ZNF831: variants seen among roughly 807,000 people sequenced by gnomAD.
ZNF831 encodes the protein chromosome 20 open reading frame 174.
In ZNF831, 59 loss-of-function variants were observed where a neutral mutation model predicts 95.8. The ratio of observed to expected loss-of-function variants is 0.62; its 90% CI spans 0.50 to 0.77. The LOEUF (loss-of-function observed/expected upper bound fraction) is 0.77, where lower values mean the gene tolerates loss of function less well. Ranked by LOEUF, ZNF831 falls within the 30% of genes least tolerant of loss-of-function variation. ZNF831 has a pLI of 0.00. For synonymous variants in ZNF831, 961 were observed against 925.5 expected, an observed-to-expected ratio of 1.04 and a Z score of -0.70; for missense variants, 2,205 against 2,164.0, an observed-to-expected ratio of 1.02 and a Z score of -0.38.
At chr20:59,129,353 G>A (rs1288500403) in intron 1 of ZNF831, among the ~76,000 whole-genome samples, 1 of 152,158 alleles carries the variant, frequency 6.6e-6, no homozygotes, top group African/African-American at 2.4e-5. Context: ...TGGGCCTGGT[G>A]TGGTGGCTCA....
chr20:59,209,108 G>A lies in ZNF831; in HGVS notation c.4027+2052G>A, dbSNP rs146514939. Among the ~76,000 whole-genome samples, 118 of 152,300 alleles carry A rather than the reference G, an allele frequency of 7.7e-4. 3 individuals are homozygous for A. In the East Asian group the frequency reaches 0.021, roughly 27 times the overall value. ...CCTTAGCTCAGATGCCACCGGGAAC[G>A]ACATTGGCAGATCTGTTTGCTTCCC... is the stretch of plus-strand genomic sequence containing the variant. On this transcript the variant is annotated intron_variant, in intron 4 of 5. Transcript: ENST00000371030.
chr20:59,172,147 C>A (rs1044797751), intron 1 of ZNF831, among the ~76,000 whole-genome samples: 1 of 152,154 alleles, frequency 6.6e-6, no homozygotes, highest in Non-Finnish European at 1.5e-5. Context: ...TACTTGCCAC[C>A]ACACTTAGGA....
chr20:59,187,751 A>C (rs1438884436), intron 1 of ZNF831, among the ~76,000 whole-genome samples: 4 of 152,260 alleles, frequency 2.6e-5, no homozygotes, highest in Non-Finnish European at 4.4e-5. Context: ...CTGGTTCCAG[A>C]ACATTTTCAT....
chr20:59,229,802 CA>C (rs1331896308), intron 4 of ZNF831, among the ~76,000 whole-genome samples: 3 of 152,006 alleles, frequency 2.0e-5, no homozygotes, highest in Admixed American at 1.3e-4. Flanking sequence ...GTGTTTCAGG[CA>C]GGGGGGAAGG....
chr20:59,176,737 G>A (rs919425800), intron 1 of ZNF831, among the ~76,000 whole-genome samples: 4 of 152,154 alleles, frequency 2.6e-5, no homozygotes, highest in East Asian at 1.9e-4. Context: ...TCTGAATCAC[G>A]TCAGTATTTG....
rs778565250 is a variant in ZNF831 at position 59,194,379 on chromosome 20, G to A, written c.3360G>A (p.Val1120=). The A allele has an allele frequency of 1.2e-6, 2 of 1,611,012 alleles. No homozygotes were observed. Among genetic ancestry groups the A allele is most frequent in the Non-Finnish European group, 1.7e-6 (2 of 1,178,698 alleles). Residue 1120 remains valine, a synonymous_variant, in exon 2 of 6, where the codon GTG becomes GTA. Transcript: ENST00000371030. ...APEDPSSGPL[V]GPDPCSPLQP... is the part of the protein sequence containing the mutation. ...AAGATCCTTCTTCAGGGCCCCTGGT[G>A]GGCCCCGACCCGTGTTCCCCCCTCC... is the stretch of plus-strand genomic sequence containing the variant.
At chr20:59,179,344 C>T (rs558521717) in intron 1 of ZNF831, among the ~76,000 whole-genome samples, 9 of 152,310 alleles carry the variant, frequency 5.9e-5, no homozygotes, top group African/African-American at 1.4e-4. Context: ...CGCACCCATC[C>T]GCTTCTCACT....
chr20:59,223,196 G>A (rs1314759701), intron 4 of ZNF831, among the ~76,000 whole-genome samples: 1 of 152,122 alleles, frequency 6.6e-6, no homozygotes, highest in South Asian at 2.1e-4. Context: ...GGGGGTGAAA[G>A]AAGAAAAAGG....
intron 1 of ZNF831, among the ~76,000 whole-genome samples, chr20:59,184,235 G>C (rs1982838474): frequency 6.6e-6 from 1 of 152,130 alleles, no homozygotes; most frequent in African/African-American, 2.4e-5. Flanking sequence ...TTTTATCGAT[G>C]AATAATATTC....
upstream of ZNF831, among the ~76,000 whole-genome samples, chr20:59,162,005 C>T (rs116017592): frequency 0.016 from 2,424 of 152,234 alleles, 69 homozygotes; most frequent in African/African-American, 0.055. Context: ...TTGCATTTCT[C>T]TGATAATCAG....
At chr20:59,216,810 C>T (rs1985711257) in intron 4 of ZNF831, among the ~76,000 whole-genome samples, 1 of 152,086 alleles carries the variant, frequency 6.6e-6, no homozygotes, top group Non-Finnish European at 1.5e-5. Context: ...CTGAGAACAA[C>T]AGGATTATGC....
intron 1 of ZNF831, among the ~76,000 whole-genome samples, chr20:59,132,907 C>T (rs1979391774): frequency 6.6e-6 from 1 of 152,272 alleles, no homozygotes; most frequent in African/African-American, 2.4e-5. Context: ...GCCCATTACA[C>T]TGCTGACCAC....
exon 2 of ZNF831, chr20:59,146,317 C>T (rs755913132): frequency 6.6e-6 from 1 of 152,230 alleles, no homozygotes; most frequent in Non-Finnish European, 1.5e-5. Flanking sequence ...TCATCGGAGC[C>T]ACCGGTTTTC....
At chr20:59,249,353 C>T (rs1400625870) in intron 4 of ZNF831, among the ~76,000 whole-genome samples, 1 of 152,132 alleles carries the variant, frequency 6.6e-6, no homozygotes, top group Non-Finnish European at 1.5e-5. Flanking sequence ...TTGTTACTGC[C>T]TGTAATACTC....
In ZNF831 at chr20:59,208,598, G is replaced by A. The variant is rs1217915133; in HGVS notation, c.4027+1542G>A. On this transcript the variant is annotated intron_variant, in intron 4 of 5. Transcript: ENST00000371030. This position sits in a 1 kb window ranked among gnomAD's most constrained non-coding sequence, Gnocchi z 4.2. The stretch of plus-strand genomic sequence containing the variant: ...ACCTGGGAATTGTGCACAGAATTGT[G>A]TGTGTGTGGGTGACTTCCAGAGGCA... 6.6e-6 allele frequency among the ~76,000 whole-genome samples: 1 copy of A among 152,228 alleles called. No homozygotes were observed. The highest frequency in any genetic ancestry group is 2.4e-5 in the African/African-American group (1 of 41,460).
chr20:59,208,364 C>T lies in ZNF831; in HGVS notation c.4027+1308C>T, dbSNP rs1985052721. On this transcript the variant is annotated intron_variant, in intron 4 of 5. Coordinates refer to ENST00000371030, the MANE Select transcript of ZNF831 (RefSeq NM_178457.3). This position sits in a 1 kb window ranked among gnomAD's most constrained non-coding sequence, Gnocchi z 4.2. ...CTGTACCACCAGGACAAGAGGATGT[C>T]TCCCCCATGCAAAGGCCAGGGGACC... 6.6e-6 allele frequency among the ~76,000 whole-genome samples: 1 copy of T among 152,140 alleles called. No individual in the cohort carries two copies. Among genetic ancestry groups the T allele is most frequent in the African/African-American group, 2.4e-5 (1 of 41,432 alleles).
intron 1 of ZNF831, among the ~76,000 whole-genome samples, chr20:59,131,867 A>G (rs1568720873): frequency 2.0e-5 from 3 of 152,248 alleles, no homozygotes; most frequent in Admixed American, 6.5e-5. Flanking sequence ...TTTGTGCCTC[A>G]TTAAATTGCT....
intron 4 of ZNF831, among the ~76,000 whole-genome samples, chr20:59,243,986 C>G (rs576091710): frequency 3.3e-4 from 50 of 152,070 alleles, no homozygotes; most frequent in Non-Finnish European, 3.5e-4. Context: ...ACAATTTATC[C>G]TCTCTTTATT....
intron 1 of ZNF831, among the ~76,000 whole-genome samples, chr20:59,189,169 G>A (rs1000412907): frequency 3.3e-5 from 5 of 151,016 alleles, no homozygotes; most frequent in Non-Finnish European, 7.4e-5. Flanking sequence ...CAACACAGCA[G>A]GACGCCATCT....
Sources: gnomAD v4.1 joint callset for allele counts (sites outside exome capture counted in the v4.1 genomes callset) on GRCh38, gnomAD v4.1.1 for gene constraint, Gnocchi (gnomAD v3.1) non-coding constraint, MANE v1.5 for transcripts, NCBI Gene and HGNC (gene_info 2026-07-23, HGNC 2026-07-21) for gene names.